Variants in FAT3 observed in about 807,000 individuals in gnomAD.
The protein encoded by FAT3 is FAT atypical cadherin 3.
Under a neutral mutation model 310.2 loss-of-function variants are expected in FAT3, and 95 were observed. That is an observed-to-expected ratio of 0.31 (90% CI 0.26 to 0.36). FAT3 has a LOEUF of 0.36. Among genes scored for constraint, FAT3 ranks in the 10% least tolerant of loss-of-function variants. The pLI is 1.00. For synonymous variants in FAT3, 2,314 were observed against 2,192.9 expected (o/e 1.06, Z -1.54); for missense variants, 5,408 against 5,715.6 (o/e 0.95, Z 1.74).
chr11:92,703,630 C>T (rs773201081), intron 4 of FAT3, among the ~76,000 whole-genome samples: 12 of 152,218 alleles, frequency 7.9e-5, no homozygotes, highest in Admixed American at 2.0e-4. Flanking sequence ...CTTCCATTCT[C>T]TCATTTGTTC....
intron 6 of FAT3, among the ~76,000 whole-genome samples, chr11:92,768,927 G>A (rs760192962): frequency 4.6e-5 from 7 of 152,190 alleles, no homozygotes; most frequent in Non-Finnish European, 1.0e-4. Flanking sequence ...GACACTTACA[G>A]CTTACTAATG....
intron 3 of FAT3, among the ~76,000 whole-genome samples, chr11:92,626,484 T>TC (rs1555104441): frequency 2.7e-4 from 41 of 150,040 alleles, no homozygotes; most frequent in East Asian, 1.6e-3. Flanking sequence ...TTTTTTTTTT[T>TC]CCCTTCAAAA....
At chr11:92,235,517 C>T in intron 1 of FAT3, among the ~76,000 whole-genome samples, 1 of 152,152 alleles carries the variant, frequency 6.6e-6, no homozygotes, top group East Asian at 1.9e-4. Context: ...AACCTTTGGT[C>T]TCCCACTCTT....
At chr11:92,845,313 C>T (rs1426811575) in intron 19 of FAT3, among the ~76,000 whole-genome samples, 1 of 152,196 alleles carries the variant, frequency 6.6e-6, no homozygotes, top group Non-Finnish European at 1.5e-5. Flanking sequence ...ATGGCAGGAT[C>T]AGATCTGTCT....
At chr11:92,693,402 G>T (rs1943850701) in intron 3 of FAT3, among the ~76,000 whole-genome samples, 2 of 152,290 alleles carry the variant, frequency 1.3e-5, no homozygotes, top group Non-Finnish European at 1.5e-5. Context: ...ACAGAATGGG[G>T]TTGCCTTCCC....
intron 3 of FAT3, among the ~76,000 whole-genome samples, chr11:92,642,355 A>G (rs1941994175): frequency 6.6e-6 from 1 of 152,222 alleles, no homozygotes; most frequent in Admixed American, 6.5e-5. Flanking sequence ...GTAAGCTGGC[A>G]GGATGAATCA....
intron 2 of FAT3, among the ~76,000 whole-genome samples, chr11:92,482,215 T>G (rs866160316): frequency 6.6e-6 from 1 of 152,162 alleles, no homozygotes; most frequent in Non-Finnish European, 1.5e-5. Context: ...TGTTTTCCAT[T>G]TATCATCATT....
intron 3 of FAT3, among the ~76,000 whole-genome samples, chr11:92,665,035 A>G (rs1942906890): frequency 6.6e-6 from 1 of 152,216 alleles, no homozygotes; most frequent in African/African-American, 2.4e-5. Context: ...GTCATCCATG[A>G]CAGTTGCAGT....
intron 3 of FAT3, among the ~76,000 whole-genome samples, chr11:92,694,034 A>G (rs1943869520): frequency 6.6e-6 from 1 of 152,158 alleles, no homozygotes; most frequent in African/African-American, 2.4e-5. Flanking sequence ...TTTTCTAGTG[A>G]TTTTTCTAAC....
In FAT3 at chr11:92,353,010, T is replaced by G. The variant is rs1565248854; in HGVS notation, c.898T>G (p.Ser300Ala). 1 of 1,613,796 alleles carries G rather than the reference T, an allele frequency of 6.2e-7. No individual in the cohort carries two copies. Residue 300 changes from serine (S) to alanine (A), a missense_variant, in exon 2 of 28, where the codon TCT becomes GCT. Ser to Ala is a moderately conservative substitution (Grantham distance 99). Coordinates refer to ENST00000525166, the MANE Select transcript of FAT3 (RefSeq NM_001367949.2). ...LDDGANGEIE[S>A]VSIVAGDPLD... The stretch of plus-strand genomic sequence containing the variant: ...TGATGGAGCGAATGGAGAGATCGAA[T>G]CTGTTTCCATTGTGGCTGGGGATCC...
rs73548412 is a variant in FAT3 at position 92,376,352 on chromosome 11, G to T, written c.3292+20948G>T. On this transcript the variant is annotated intron_variant, in intron 2 of 27. Coordinates refer to ENST00000525166, the MANE Select transcript of FAT3 (RefSeq NM_001367949.2). Reference sequence around the variant, plus strand: ...GCCTTTTAGTAAAATTAAATTGTTTGCTTTGTCTGATATCAGTTCTGGTTT... The same window carrying T: ...GCCTTTTAGTAAAATTAAATTGTTTTCTTTGTCTGATATCAGTTCTGGTTT... Among the ~76,000 whole-genome samples the T allele has an allele frequency of 8.7e-3, 1,331 of 152,288 alleles. 14 individuals carry two copies. Among genetic ancestry groups the T allele is most frequent in the African/African-American group, 0.031 (1,289 of 41,554 alleles).
At chr11:92,787,514 G>A (rs1419318610) in intron 7 of FAT3, among the ~76,000 whole-genome samples, 7 of 151,766 alleles carry the variant, frequency 4.6e-5, no homozygotes, top group Non-Finnish European at 8.8e-5. Context: ...AAACATGCTG[G>A]TTTGACTTTA....
At chr11:92,840,472 G>A (rs1394919679) in intron 17 of FAT3, 90 bp from the exon 18 acceptor site, 2 of 1,210,254 alleles carry the variant, frequency 1.7e-6, no homozygotes, top group South Asian at 1.9e-5. Flanking sequence ...CTGAAATGAT[G>A]GTATTTTTGA....
chr11:92,805,413 T>C (rs1416536873), intron 11 of FAT3, 64 bp downstream of exon 11: 1 of 1,496,090 alleles, frequency 6.7e-7, no homozygotes, highest in Non-Finnish European at 9.0e-7. Flanking sequence ...AAAACCCATT[T>C]CACTTTTCTT....
At chr11:92,240,514 C>G (rs567109629) in intron 1 of FAT3, among the ~76,000 whole-genome samples, 62 of 150,752 alleles carry the variant, frequency 4.1e-4, no homozygotes, top group Admixed American at 1.5e-3. Flanking sequence ...CCCACTCTCC[C>G]TTAGTAGTAA....
intron 22 of FAT3, among the ~76,000 whole-genome samples, chr11:92,875,323 C>T (rs1042627743): frequency 6.8e-6 from 1 of 147,294 alleles, no homozygotes; most frequent in Non-Finnish European, 1.5e-5. Flanking sequence ...AGATCCTAGA[C>T]AGTTTGCTGC....
At chr11:92,683,548 C>G (rs1481111302) in intron 3 of FAT3, among the ~76,000 whole-genome samples, 1 of 152,130 alleles carries the variant, frequency 6.6e-6, no homozygotes, top group Non-Finnish European at 1.5e-5. Flanking sequence ...AGGCTTCACC[C>G]CTCTGTCCCC....
rs574186275 is a variant in FAT3 at position 92,790,648 on chromosome 11, T to G, written c.4611+430T>G. Among the ~76,000 whole-genome samples the G allele has an allele frequency of 9.8e-5, 15 of 152,306 alleles. 1 individual carries two copies. Among genetic ancestry groups the G allele is most frequent in the African/African-American group, 3.6e-4 (15 of 41,568 alleles). On this transcript the variant is annotated intron_variant, in intron 8 of 27. Transcript: ENST00000525166. ...CCTTGGAAGGATTTACAAAACCAAT[T>G]TATTATTTATTGTACTGGCACTGGA... is the stretch of plus-strand genomic sequence containing the variant.
chr11:92,843,060 C>T (rs1470877626), intron 18 of FAT3, among the ~76,000 whole-genome samples: 1 of 145,662 alleles, frequency 6.9e-6, no homozygotes, highest in Non-Finnish European at 1.5e-5. Context: ...AATACAAAAA[C>T]TGAGGCTTAG....
Sources: gnomAD v4.1 joint callset for allele counts (sites outside exome capture counted in the v4.1 genomes callset) on GRCh38, gnomAD v4.1.1 for gene constraint, MANE v1.5 for transcripts, NCBI Gene and HGNC (gene_info 2026-07-23, HGNC 2026-07-21) for gene names.